The following ABCC1 variants were observed in gnomAD, a reference collection of about 807,000 sequenced individuals.
ABCC1 encodes the protein ATP binding cassette subfamily C member 1 (ABCC1 blood group), also known as multidrug resistance-associated protein 1.
ABCC1 carries 83 observed loss-of-function variants against 172.9 expected under a neutral mutation model. The observed-to-expected ratio is 0.48, with a 90% CI of 0.40 to 0.58. The LOEUF is 0.58. ABCC1 is among the 20% of genes least tolerant of loss of function. ABCC1 has a pLI of 0.00. For synonymous variants in ABCC1, 937 were observed against 825.2 expected (o/e 1.14, Z -2.32); for missense variants, 1,817 against 2,002.7 (o/e 0.91, Z 1.77).
At chr16:16,090,969 G>A (rs144454127) in intron 19 of ABCC1, among the ~76,000 whole-genome samples, 3 of 152,216 alleles carry the variant, frequency 2.0e-5, no homozygotes, top group Admixed American at 6.5e-5. Context: ...GAGGACATAC[G>A]TGACACAAGA....
intron 1 of ABCC1, among the ~76,000 whole-genome samples, chr16:15,967,673 T>A (rs215090): frequency 0.86 from 127,374 of 148,462 alleles, 54,906 homozygotes; most frequent in African/African-American, 0.91. Context: ...AGGCGGGAGG[T>A]TTGCTTGGTC....
chr16:16,135,001 A>G (rs906297707), intron 28 of ABCC1, among the ~76,000 whole-genome samples: 9 of 152,088 alleles, frequency 5.9e-5, no homozygotes, highest in Non-Finnish European at 1.0e-4. Context: ...CTCTTAGTAT[A>G]TGATTAACAA....
At chr16:16,115,235 C>T (rs1186179667) in intron 23 of ABCC1, among the ~76,000 whole-genome samples, 159 bp downstream of exon 23, 3 of 152,168 alleles carry the variant, frequency 2.0e-5, no homozygotes, top group Non-Finnish European at 4.4e-5. Flanking sequence ...TGTTTTTTTG[C>T]TCACAATAAC....
intron 20 of ABCC1, 85 bp downstream of exon 20, chr16:16,102,802 C>G: frequency 7.7e-7 from 1 of 1,299,470 alleles, no homozygotes; most frequent in South Asian, 1.3e-5. Flanking sequence ...AGGCCTCAGC[C>G]CCCTGAGGTC....
intron 19 of ABCC1, among the ~76,000 whole-genome samples, chr16:16,091,817 A>G (rs956236389): frequency 6.6e-5 from 10 of 152,216 alleles, no homozygotes; most frequent in Admixed American, 6.5e-4. Flanking sequence ...GCCCCAGGAT[A>G]CACAGCAGCT....
rs774763634 is a variant in ABCC1, at chr16:16,009,880, A to G, written c.330A>G (p.Pro110=). Residue 110 remains proline, a synonymous_variant, in exon 3 of 31, where the codon CCA becomes CCG. Coordinates refer to ENST00000399410, the MANE Select transcript of ABCC1 (RefSeq NM_004996.4). ...TGGCCCCAGTGTTTCTGGTCAGCCC[A>G]ACTCTCTTGGGCATCACCATGGTAA... ...IFLAPVFLVS[P]TLLGITMLLA... 1 of 1,610,084 alleles carries G rather than the reference A, an allele frequency of 6.2e-7. No homozygotes were observed. The highest frequency in any genetic ancestry group is 1.3e-5 in the African/African-American group (1 of 74,728).
At chr16:16,071,616 C>CT (rs2050351222) in intron 13 of ABCC1, 26 bp from the exon 14 acceptor site, 1 of 1,604,886 alleles carries the variant, frequency 6.2e-7, no homozygotes, top group African/African-American at 1.3e-5. Flanking sequence ...AAAAATAACT[C>CT]TCCCCTGCCA....
Position 16,030,888 on chromosome 16 carries a change from G to T in ABCC1, c.616-2221G>T, listed in dbSNP as rs376443503. 3.9e-4 allele frequency among the ~76,000 whole-genome samples: 59 copies of T among 151,956 alleles called. 1 individual carries two copies. In the East Asian group the frequency reaches 9.7e-3, roughly 25 times the overall value. ...TTATTTTTATTTTGTTTGAGACAGG[G>T]TCCCTAGGCTGGAGTGTAGTGGCAC... On this transcript the variant is annotated intron_variant, in intron 5 of 30. Transcript: ENST00000399410.
intron 24 of ABCC1, among the ~76,000 whole-genome samples, chr16:16,124,339 G>GTGTGTGTGTGTA (rs1466097333): frequency 7.4e-6 from 1 of 134,508 alleles, no homozygotes; most frequent in Non-Finnish European, 1.6e-5. Flanking sequence ...GTGTGTGTGT[G>GTGTGTGTGTGTA]TGTGTGTGTG....
intron 23 of ABCC1, among the ~76,000 whole-genome samples, chr16:16,117,068 C>T (rs2044914367): frequency 6.6e-6 from 1 of 152,186 alleles, no homozygotes; most frequent in Non-Finnish European, 1.5e-5. Context: ...CAATTTAAAA[C>T]TTACACATTA....
At position 16,083,379 on chromosome 16, in the gene ABCC1, A is replaced by T; in HGVS notation, c.2129A>T (p.Tyr710Phe). The change falls in exon 17 of 31, where the codon TAT (tyrosine) becomes TTT (phenylalanine). Residue 710 changes from tyrosine (Y) to phenylalanine (F), a missense_variant. Physicochemically the swap from Tyr to Phe is conservative, Grantham distance 22. Around this residue, in one of 3 missense-constraint regions of ABCC1, gnomAD observed 1,412 missense variants for 1,600.3 expected, o/e 0.88. Transcript: ENST00000399410. ...TTTGCAACTTAGGGCTCCGTGGCCT[A>T]TGTGCCACAGCAGGCCTGGATTCAG... ...GHVAIKGSVA[Y>F]VPQQAWIQND... 1 of 1,613,606 alleles carries T rather than the reference A, an allele frequency of 6.2e-7. No homozygotes were observed. The highest frequency in any genetic ancestry group is 8.5e-7 in the Non-Finnish European group (1 of 1,179,970).
At chr16:16,082,775 G>A (rs2050855186) in intron 16 of ABCC1, among the ~76,000 whole-genome samples, 1 of 152,126 alleles carries the variant, frequency 6.6e-6, no homozygotes, top group Non-Finnish European at 1.5e-5. Context: ...AGCCTCCCAA[G>A]TAGCTGGGAC....
At chr16:16,104,785 A>G (rs2051991804) in intron 20 of ABCC1, among the ~76,000 whole-genome samples, 1 of 152,112 alleles carries the variant, frequency 6.6e-6, no homozygotes. Flanking sequence ...AGGCTCAGGC[A>G]TGGCAGGCTG....
intron 3 of ABCC1, 87 bp downstream of exon 3, chr16:16,009,988 T>C: frequency 1.8e-6 from 2 of 1,129,248 alleles, no homozygotes; most frequent in Non-Finnish European, 2.3e-6. Flanking sequence ...AGAATCATAG[T>C]TTTTTAAGGC....
Position 16,040,073 on chromosome 16 carries a change from T to C in ABCC1, c.809+3470T>C, listed in dbSNP as rs2048916857. 2.9e-5 allele frequency among the ~76,000 whole-genome samples: 4 copies of C among 139,006 alleles called. 1 individual carries two copies. The South Asian group carries it at 8.5e-4, about 30-fold the overall frequency. 91.2% of individuals were successfully genotyped at this position (139,006 alleles called of 152,430 possible). A position where few individuals can be genotyped will look rare whatever the true frequency, so the allele number is the denominator to read the frequency against. On this transcript the variant is annotated intron_variant, in intron 7 of 30. Transcript: ENST00000399410. ...TTGTTTGTTTGTTTGTTTGTATGTA[T>C]GTATGTATGTATGTATGTATGTATG... is the stretch of plus-strand genomic sequence containing the variant.
At chr16:16,056,057 C>T (rs1349920107) in intron 11 of ABCC1, 35 bp from the exon 12 acceptor site, 13 of 1,591,644 alleles carry the variant, frequency 8.2e-6, no homozygotes, top group African/African-American at 5.4e-5. Context: ...ATCCCAGGGT[C>T]GCCCCAGATG....
chr16:16,076,329 G>C lies in ABCC1; in HGVS notation c.1916G>C (p.Gly639Ala), dbSNP rs774022771. Residue 639 changes from glycine to alanine, a missense_variant, in exon 15 of 31, where the codon GGG (glycine) becomes GCG (alanine). Gly to Ala is a moderately conservative substitution (Grantham distance 60). Coordinates refer to ENST00000399410, the MANE Select transcript of ABCC1 (RefSeq NM_004996.4). Reference sequence around the variant, plus strand: ...GACATGTCTCTGTGCTTTGTAGGCGGGGGCACGAACAGCATCACCGTGAGG... The same window carrying C: ...GACATGTCTCTGTGCTTTGTAGGCGCGGGCACGAACAGCATCACCGTGAGG... ...SIERRPVKDG[G>A]GTNSITVRNA... The C allele has an allele frequency of 6.2e-7, 1 of 1,612,586 alleles. No homozygotes were observed. Among genetic ancestry groups the C allele is most frequent in the Non-Finnish European group, 8.5e-7 (1 of 1,179,352 alleles).
intron 1 of ABCC1, among the ~76,000 whole-genome samples, chr16:15,993,611 C>G (rs964097486): frequency 3.9e-5 from 6 of 152,112 alleles, no homozygotes; most frequent in Non-Finnish European, 7.3e-5. Flanking sequence ...CCCCGACAAC[C>G]AAGAATTATT....
intron 11 of ABCC1, 146 bp from the exon 12 acceptor site, chr16:16,055,946 A>G: frequency 2.7e-6 from 2 of 749,714 alleles, no homozygotes; most frequent in Non-Finnish European, 4.1e-6. Context: ...CCCCATCTCT[A>G]TTGAAAAGAA....
Sources: allele counts gnomAD v4.1 joint callset (sites outside exome capture counted in the v4.1 genomes callset), GRCh38; gene constraint gnomAD v4.1.1; regional missense constraint gnomAD v4.1.1; transcripts MANE v1.5; gene names NCBI Gene and HGNC (gene_info 2026-07-23, HGNC 2026-07-21).